The following AGTPBP1 variants were observed in gnomAD, a reference collection of about 807,000 sequenced individuals.
AGTPBP1 encodes ATP/GTP binding carboxypeptidase 1, also known as cytosolic carboxypeptidase 1.
AGTPBP1 carries 70 observed loss-of-function variants against 143.9 expected under a neutral mutation model. That is an observed-to-expected ratio of 0.49 (90% CI 0.40 to 0.59). The LOEUF is 0.59. AGTPBP1 is among the 20% of genes least tolerant of loss of function. AGTPBP1 has a pLI of 0.00. For missense variants in AGTPBP1, 1,229 were observed against 1,464.5 expected (o/e 0.84, Z 2.62); for synonymous variants, 463 against 500.2 (o/e 0.93, Z 0.99).
the AGTPBP1 span, among the ~76,000 whole-genome samples, chr9:85,772,216 C>T: frequency 6.6e-6 from 1 of 151,780 alleles, no homozygotes; most frequent in Non-Finnish European, 1.5e-5. Context: ...CCTCGTGATC[C>T]TCCCGCCTCG....
intron 1 of AGTPBP1, chr9:85,741,307 C>G (rs760135499): frequency 3.0e-6 from 3 of 985,414 alleles, no homozygotes; most frequent in Non-Finnish European, 3.6e-6. Flanking sequence ...CTAGAATTCT[C>G]GAAGCACAGG....
In AGTPBP1 at chr9:85,559,524, C is replaced by T. The variant is rs562931458; in HGVS notation, c.3504-12238G>A. 9.3e-5 allele frequency among the ~76,000 whole-genome samples: 14 copies of T among 149,952 alleles called. No homozygotes were observed. In the East Asian group the frequency reaches 9.8e-4, roughly 11 times the overall value. ...GGAGGTAACGATGAGACAGGAATAA[C>T]ACAGGGTGGTCACAGGAGAATAGAA... On this transcript the variant is annotated intron_variant, in intron 25 of 25. Transcript: ENST00000357081.
At chr9:85,677,841 T>C (rs908484096) in intron 5 of AGTPBP1, among the ~76,000 whole-genome samples, 6 of 151,900 alleles carry the variant, frequency 3.9e-5, no homozygotes, top group African/African-American at 1.5e-4. Flanking sequence ...CCGTCTCAAC[T>C]AAAAATACAA....
Position 85,657,512 on chromosome 9 carries a change from T to G in AGTPBP1, c.832A>C (p.Ser278Arg). 1.9e-6 allele frequency: 3 copies of G among 1,613,946 alleles called. No homozygotes were observed. Among genetic ancestry groups the G allele is most frequent in the Non-Finnish European group, 2.5e-6 (3 of 1,179,900 alleles). The change falls in exon 10 of 26, where the codon AGT becomes CGT. Residue 278 changes from serine to arginine, a missense_variant. By Grantham distance (110) the Ser-to-Arg change is moderately radical (BLOSUM62 -1). Transcript: ENST00000357081. ...IRKGILQSLK[S>R]VTNIKLGRKA... is the part of the protein sequence containing the mutation. ...CTTCCCAACTTGATGTTTGTAACAC[T>G]TTTTAAACTCTGTAAAATTCCTTTC...
intron 18 of AGTPBP1, among the ~76,000 whole-genome samples, chr9:85,594,216 G>T (rs182918105): frequency 6.6e-6 from 1 of 152,228 alleles, no homozygotes; most frequent in East Asian, 1.9e-4. Flanking sequence ...TTCATATAAT[G>T]GTGAAAAGCA....
chr9:85,664,735 A>G (rs191464379), intron 8 of AGTPBP1, among the ~76,000 whole-genome samples: 175 of 152,264 alleles, frequency 1.1e-3, no homozygotes, highest in African/African-American at 4.0e-3. Context: ...CTGAGACAAA[A>G]TATTTACTCC....
At chr9:85,587,952 T>TA (rs553881082) in intron 21 of AGTPBP1, among the ~76,000 whole-genome samples, 13 of 148,574 alleles carry the variant, frequency 8.7e-5, no homozygotes, top group Admixed American at 2.0e-4. Context: ...ATGCCACTAA[T>TA]AAAAAAAAAA....
the AGTPBP1 span, among the ~76,000 whole-genome samples, chr9:85,794,968 G>C: frequency 2.6e-5 from 4 of 152,006 alleles, no homozygotes; most frequent in Non-Finnish European, 4.4e-5. Flanking sequence ...TTTATATATT[G>C]ATCACTATTT....
At chr9:85,674,421 T>C (rs1302792380) in intron 6 of AGTPBP1, among the ~76,000 whole-genome samples, 2 of 151,970 alleles carry the variant, frequency 1.3e-5, no homozygotes, top group East Asian at 3.9e-4. Context: ...AAAATCAATA[T>C]CTTAATTTCA....
At chr9:85,663,559 G>A (rs936776234) in intron 8 of AGTPBP1, among the ~76,000 whole-genome samples, 1 of 151,056 alleles carries the variant, frequency 6.6e-6, no homozygotes, top group Non-Finnish European at 1.5e-5. Context: ...ACAATGACTG[G>A]CACTCAAAAA....
the AGTPBP1 span, among the ~76,000 whole-genome samples, chr9:85,763,908 T>A: frequency 4.6e-5 from 7 of 152,126 alleles, no homozygotes; most frequent in East Asian, 1.9e-4. Flanking sequence ...GTGAAAAGTA[T>A]TTTACAAATT....
chr9:85,651,186 T>G (rs760073006), intron 11 of AGTPBP1, among the ~76,000 whole-genome samples: 4 of 152,216 alleles, frequency 2.6e-5, no homozygotes, highest in Non-Finnish European at 5.9e-5. Context: ...CTTTGAAATT[T>G]CCTTGCTTTT....
chr9:85,762,698 C>T, the AGTPBP1 span, among the ~76,000 whole-genome samples: 1 of 150,820 alleles, frequency 6.6e-6, no homozygotes, highest in Non-Finnish European at 1.5e-5. Flanking sequence ...TGCAGCACAC[C>T]AACATGGCAC....
At chr9:85,653,898 T>C (rs533515565) in intron 11 of AGTPBP1, among the ~76,000 whole-genome samples, 2 of 152,236 alleles carry the variant, frequency 1.3e-5, no homozygotes, top group South Asian at 4.1e-4. Context: ...ATTGGACCAC[T>C]GCTTTTACTT....
chr9:85,630,790 A>G (rs1831626401), intron 14 of AGTPBP1, among the ~76,000 whole-genome samples: 1 of 152,038 alleles, frequency 6.6e-6, no homozygotes, highest in South Asian at 2.1e-4. Context: ...CCCAGGATCT[A>G]TTTAAATCCC....
chr9:85,668,812 G>GT (rs1314495486), intron 8 of AGTPBP1, among the ~76,000 whole-genome samples: 1 of 151,198 alleles, frequency 6.6e-6, no homozygotes, highest in Non-Finnish European at 1.5e-5. Flanking sequence ...TCTATTTTAT[G>GT]TATGTTTTAA....
In AGTPBP1 at chr9:85,586,073, C is replaced by T. The variant is rs372812274; in HGVS notation, c.3034-479G>A. The stretch of plus-strand genomic sequence containing the variant: ...ACCAAAAATACAAAAATTAGCTGGG[C>T]GTGGCTGTGGGCACCTGTAATTCCA... On this transcript the variant is annotated intron_variant, in intron 22 of 25. Coordinates refer to ENST00000357081, the MANE Select transcript of AGTPBP1 (RefSeq NM_001330701.2). 2.6e-4 allele frequency among the ~76,000 whole-genome samples: 39 copies of T among 152,010 alleles called. No individual in the cohort carries two copies. In the South Asian group the frequency reaches 7.9e-3, roughly 31 times the overall value.
the AGTPBP1 span, among the ~76,000 whole-genome samples, chr9:85,778,465 C>G: frequency 6.6e-6 from 1 of 152,234 alleles, no homozygotes; most frequent in Non-Finnish European, 1.5e-5. Flanking sequence ...ACTGACACCT[C>G]AAGCACCATT....
rs1466085312 is a variant in AGTPBP1 at position 85,712,481 on chromosome 9, T to G, written c.32+21A>C. 4 of 1,386,870 alleles carry G rather than the reference T, an allele frequency of 2.9e-6. No individual in the cohort carries two copies. The South Asian group carries it at 5.6e-5, about 20-fold the overall frequency. 85.9% of individuals were successfully genotyped at this position (1,386,870 alleles called of 1,614,324 possible). A position where few individuals can be genotyped will look rare whatever the true frequency, so the allele number is the denominator to read the frequency against. On this transcript the variant is annotated intron_variant, in intron 2 of 25. Transcript: ENST00000357081. ...CATTATTTCTGTAACTTATGCATAC[T>G]GATATTCAGAATTACAGTACCTTTT...
Sources: gnomAD v4.1 joint callset for allele counts (sites outside exome capture counted in the v4.1 genomes callset) on GRCh38, gnomAD v4.1.1 for gene constraint, MANE v1.5 for transcripts, NCBI Gene and HGNC (gene_info 2026-07-23, HGNC 2026-07-21) for gene names.